Variants in TFB1M observed in about 807,000 individuals in gnomAD.
The protein encoded by TFB1M is transcription factor B1, mitochondrial, also known as dimethyladenosine transferase 1, mitochondrial.
A neutral mutation model predicts 31.1 loss-of-function variants in TFB1M; 27 were observed. The observed-to-expected ratio is 0.87, with a 90% CI of 0.64 to 1.20. TFB1M has a LOEUF of 1.20. TFB1M is among the 50% of genes most tolerant of loss of function. The pLI, the probability that TFB1M is intolerant of heterozygous loss-of-function variation, is 0.00. For synonymous variants in TFB1M, 166 were observed against 151.8 expected (o/e 1.09, Z -0.69); for missense variants, 394 against 418.7 (o/e 0.94, Z 0.51).
At chr6:155,241,157 C>T in the TFB1M span, among the ~76,000 whole-genome samples, 3 of 152,116 alleles carry the variant, frequency 2.0e-5, no homozygotes, top group East Asian at 3.9e-4. Flanking sequence ...AACTGGGACG[C>T]ACACACTGGG....
At chr6:155,260,186 G>A in intron 6 of TFB1M, 87 bp downstream of exon 6, 2 of 1,430,160 alleles carry the variant, frequency 1.4e-6, no homozygotes, top group Non-Finnish European at 2.0e-6. Flanking sequence ...AGAGCTTTAA[G>A]AATAGAGCAA....
intron 4 of TFB1M, among the ~76,000 whole-genome samples, chr6:155,288,141 T>A (rs1776749344): frequency 6.6e-6 from 1 of 152,176 alleles, no homozygotes; most frequent in Admixed American, 6.5e-5. Flanking sequence ...AAAAATAGGT[T>A]CTGTGTGAGA....
intron 2 of TFB1M, among the ~76,000 whole-genome samples, chr6:155,305,170 A>T (rs1362455743): frequency 1.1e-5 from 1 of 94,310 alleles, no homozygotes; most frequent in Non-Finnish European, 1.9e-5. Context: ...TAAATTATAT[A>T]TTTATATATA....
At chr6:155,307,853 T>C (rs947802248) in intron 2 of TFB1M, among the ~76,000 whole-genome samples, 1 of 151,694 alleles carries the variant, frequency 6.6e-6, no homozygotes, top group Non-Finnish European at 1.5e-5. Flanking sequence ...GAATTTGTGT[T>C]GGGCCGCAGG....
intron 5 of TFB1M, 68 bp from the exon 6 acceptor site, chr6:155,260,468 A>C: frequency 1.7e-4 from 268 of 1,603,354 alleles, no homozygotes; most frequent in Non-Finnish European, 2.2e-4. Context: ...CAATCAACTC[A>C]TCCTTGTAAA....
chr6:155,256,675 T>C lies in TFB1M; in HGVS notation c.*1161A>G, dbSNP rs765611474. ...TCCCGGGAAATACCCACACCCCGGC[T>C]TGGCAGATTTTGCCGACAATCTCAT... On this transcript the variant is annotated 3_prime_UTR_variant, in exon 7 of 7. Transcript: ENST00000367166. The C allele has an allele frequency of 6.2e-7, 1 of 1,614,206 alleles. No homozygotes were observed. Among genetic ancestry groups the C allele is most frequent in the Admixed American group, 1.7e-5 (1 of 60,034 alleles).
chr6:155,259,818 C>T (rs1286860232), intron 6 of TFB1M, among the ~76,000 whole-genome samples: 1 of 152,214 alleles, frequency 6.6e-6, no homozygotes. Flanking sequence ...AGCCTCTTGG[C>T]AGCAGCAGCT....
chr6:155,239,899 G>A, the TFB1M span, among the ~76,000 whole-genome samples: 1 of 150,812 alleles, frequency 6.6e-6, no homozygotes, highest in African/African-American at 2.4e-5. Flanking sequence ...TTTAGGGTGA[G>A]GGTGTTACCA....
At chr6:155,276,474 A>G in intron 5 of TFB1M, 3 of 1,106,104 alleles carry the variant, frequency 2.7e-6, no homozygotes, top group Non-Finnish European at 3.9e-6. Context: ...TTTCCCTACA[A>G]AGAAAGTAGA....
the TFB1M span, among the ~76,000 whole-genome samples, chr6:155,245,284 T>C: frequency 1.3e-5 from 2 of 152,214 alleles, no homozygotes; most frequent in Non-Finnish European, 2.9e-5. Flanking sequence ...AGCATCACTC[T>C]CCCCAAGCAA....
downstream of TFB1M, chr6:155,254,782 T>G: frequency 1.8e-6 from 1 of 560,398 alleles, no homozygotes. Flanking sequence ...CTTGTCTTCC[T>G]ACCCGCTGAC....
intron 4 of TFB1M, among the ~76,000 whole-genome samples, chr6:155,289,045 A>G (rs1434145520): frequency 6.6e-6 from 1 of 151,368 alleles, no homozygotes; most frequent in East Asian, 1.9e-4. Flanking sequence ...AAGGGGTCAA[A>G]GAATTTACAA....
chr6:155,266,771 T>C (rs12665860), intron 5 of TFB1M, among the ~76,000 whole-genome samples: 97,278 of 146,344 alleles, frequency 0.66, 32,558 homozygotes, highest in East Asian at 0.98. Flanking sequence ...GGCGTGAGCC[T>C]GGGAGGCGGA....
At chr6:155,247,015 TCAGA>T in the TFB1M span, among the ~76,000 whole-genome samples, 3 of 152,224 alleles carry the variant, frequency 2.0e-5, no homozygotes, top group Admixed American at 1.3e-4. Context: ...TTCATGGCAC[TCAGA>T]CAAAGGGGCA....
At chr6:155,299,008 A>C (rs1276286960) in intron 2 of TFB1M, among the ~76,000 whole-genome samples, 1 of 152,194 alleles carries the variant, frequency 6.6e-6, no homozygotes, top group Non-Finnish European at 1.5e-5. Context: ...TATAGCCTAA[A>C]TATATATACA....
intron 4 of TFB1M, among the ~76,000 whole-genome samples, chr6:155,291,546 A>T (rs574277751): frequency 6.6e-6 from 1 of 152,148 alleles, no homozygotes; most frequent in South Asian, 2.1e-4. Flanking sequence ...AAGTTCCAAG[A>T]CTCCTGAGAG....
At chr6:155,249,739 T>C in the TFB1M span, 1 of 780,308 alleles carries the variant, frequency 1.3e-6, no homozygotes. Context: ...CTCCTGCTAG[T>C]GGGTACTGGT....
chr6:155,260,668 G>A, intron 5 of TFB1M: 1 of 497,620 alleles, frequency 2.0e-6, no homozygotes, highest in Non-Finnish European at 3.7e-6. Flanking sequence ...TTAAAACACA[G>A]TTTCACAATG....
chr6:155,294,503 G>T (rs1777076676), intron 4 of TFB1M, among the ~76,000 whole-genome samples: 1 of 152,056 alleles, frequency 6.6e-6, no homozygotes, highest in Admixed American at 6.6e-5. Context: ...CCAAAAGAAA[G>T]GTGAGCAAAA....
Sources: allele counts gnomAD v4.1 joint callset (sites outside exome capture counted in the v4.1 genomes callset), GRCh38; gene constraint gnomAD v4.1.1; transcripts MANE v1.5; gene names NCBI Gene and HGNC (gene_info 2026-07-23, HGNC 2026-07-21).